ASTN1: variants seen among roughly 807,000 people sequenced by gnomAD.
ASTN1 encodes the protein astrotactin-1.
ASTN1 carries 41 observed loss-of-function variants against 140.7 expected under a neutral mutation model. The ratio of observed to expected loss-of-function variants is 0.29; its 90% CI spans 0.23 to 0.38. The LOEUF is 0.38. ASTN1 is among the 10% of genes least tolerant of loss of function. The pLI is 1.00. For synonymous variants in ASTN1, 640 were observed against 652.2 expected, an observed-to-expected ratio of 0.98 and a Z score of 0.29; for missense variants, 1,479 against 1,678.8, an observed-to-expected ratio of 0.88 and a Z score of 2.08.
intron 14 of ASTN1, among the ~76,000 whole-genome samples, chr1:176,938,152 A>G (rs1671528003): frequency 6.6e-6 from 1 of 152,226 alleles, no homozygotes; most frequent in Non-Finnish European, 1.5e-5. Flanking sequence ...CTTTGTGACT[A>G]CCAACAGTCA....
intron 1 of ASTN1, among the ~76,000 whole-genome samples, chr1:177,160,933 A>G (rs184101800): frequency 1.3e-5 from 2 of 152,332 alleles, no homozygotes; most frequent in East Asian, 3.9e-4. Context: ...AACCATCAGT[A>G]TCTGTGAGAA....
intron 1 of ASTN1, among the ~76,000 whole-genome samples, chr1:177,096,631 C>G (rs529850523): frequency 6.6e-5 from 10 of 152,190 alleles, no homozygotes. Flanking sequence ...TGCTGTTGTT[C>G]TCTTGATAGT....
At chr1:177,088,165 GC>G (rs1679570131) in intron 1 of ASTN1, among the ~76,000 whole-genome samples, 1 of 152,186 alleles carries the variant, frequency 6.6e-6, no homozygotes, top group Non-Finnish European at 1.5e-5. Flanking sequence ...ATATCTGAAT[GC>G]CTCAGATGTG....
At chr1:176,931,857 C>T (rs947138043) in intron 16 of ASTN1, among the ~76,000 whole-genome samples, 1 of 152,210 alleles carries the variant, frequency 6.6e-6, no homozygotes, top group Non-Finnish European at 1.5e-5. Flanking sequence ...GGCAAAGAAC[C>T]TACTCATGAG....
intron 8 of ASTN1, among the ~76,000 whole-genome samples, chr1:177,012,773 C>T (rs749535211): frequency 2.0e-5 from 3 of 152,190 alleles, no homozygotes; most frequent in Non-Finnish European, 2.9e-5. Flanking sequence ...GATGTGGAGG[C>T]TTGAGTGATT....
chr1:176,896,249 T>C (rs561376209), intron 16 of ASTN1, among the ~76,000 whole-genome samples: 1 of 152,330 alleles, frequency 6.6e-6, no homozygotes, highest in Admixed American at 6.5e-5. Context: ...ACTATAAATA[T>C]GGCATATAAT....
At chr1:177,107,494 G>C (rs1270806712) in intron 1 of ASTN1, among the ~76,000 whole-genome samples, 1 of 152,146 alleles carries the variant, frequency 6.6e-6, no homozygotes, top group Non-Finnish European at 1.5e-5. Context: ...CTTGCTCTGT[G>C]CTGAGGGAGG....
At chr1:176,942,106 C>G (rs1205886178) in intron 14 of ASTN1, among the ~76,000 whole-genome samples, 1 of 152,126 alleles carries the variant, frequency 6.6e-6, no homozygotes, top group Non-Finnish European at 1.5e-5. Context: ...GTAGATATTA[C>G]TTCATAGTTT....
At position 177,017,381 on chromosome 1, in the gene ASTN1, G is replaced by A. The variant is rs565012384; in HGVS notation, c.1439-2506C>T. On this transcript the variant is annotated intron_variant, in intron 7 of 22. Transcript: ENST00000361833. ...TTCTGGAACCCACCAAGCATTCCTC[G>A]TCTGTATTCCTCCACAAAACCAGTT... Among the ~76,000 whole-genome samples, 184 of 152,140 alleles carry A rather than the reference G, an allele frequency of 1.2e-3. 2 individuals carry two copies. The highest frequency in any genetic ancestry group is 1.9e-3 in the Non-Finnish European group (132 of 68,036).
chr1:176,932,373 C>T (rs141490684), intron 16 of ASTN1, among the ~76,000 whole-genome samples: 15 of 152,256 alleles, frequency 9.9e-5, no homozygotes, highest in East Asian at 3.9e-4. Flanking sequence ...GTCTTACGCA[C>T]GTATCATTCT....
intron 1 of ASTN1, among the ~76,000 whole-genome samples, chr1:177,095,319 AG>A (rs1470339490): frequency 6.6e-6 from 1 of 152,180 alleles, no homozygotes; most frequent in African/African-American, 2.4e-5. Flanking sequence ...TTTCATAAGG[AG>A]ATTAGTATGG....
At chr1:177,049,931 C>A (rs1677452645) in intron 2 of ASTN1, among the ~76,000 whole-genome samples, 1 of 152,168 alleles carries the variant, frequency 6.6e-6, no homozygotes, top group Non-Finnish European at 1.5e-5. Context: ...TCACAGCCAG[C>A]TGAAAGCCCA....
At position 177,029,541 on chromosome 1, in the gene ASTN1, G is replaced by T. The variant is rs1676310523; in HGVS notation, c.1120+93C>A. 6.1e-6 allele frequency: 8 copies of T among 1,301,562 alleles called. No individual in the cohort carries two copies. The South Asian group carries it at 9.9e-5, about 16-fold the overall frequency. The allele number at this position is 1,301,562 out of a possible 1,614,324, so 80.6% of individuals were successfully genotyped here. On this transcript the variant is annotated intron_variant, in intron 5 of 22. Coordinates refer to ENST00000361833, the MANE Select transcript of ASTN1 (RefSeq NM_004319.3). ...TTGCAGAAACTGGTTTTGTTCCATA[G>T]AGCCCACAACCCAACCCAACACCTC... is the stretch of plus-strand genomic sequence containing the variant.
intron 16 of ASTN1, among the ~76,000 whole-genome samples, chr1:176,899,444 T>G (rs967481230): frequency 6.6e-6 from 1 of 152,194 alleles, no homozygotes; most frequent in African/African-American, 2.4e-5. Flanking sequence ...TCCTATAGGA[T>G]TCTGAGGCTG....
intron 16 of ASTN1, among the ~76,000 whole-genome samples, chr1:176,927,640 A>C (rs1395553824): frequency 6.6e-6 from 1 of 152,170 alleles, no homozygotes; most frequent in Non-Finnish European, 1.5e-5. Flanking sequence ...CCTTTAACAA[A>C]ATGTGGATGT....
chr1:177,064,080 G>T (rs1678229959), intron 1 of ASTN1, among the ~76,000 whole-genome samples: 1 of 152,092 alleles, frequency 6.6e-6, no homozygotes, highest in African/African-American at 2.4e-5. Flanking sequence ...GCAAGGCAAG[G>T]TTCTTAGACC....
chr1:176,870,305 T>G (rs1393537350), intron 21 of ASTN1, among the ~76,000 whole-genome samples: 1 of 152,228 alleles, frequency 6.6e-6, no homozygotes, highest in Non-Finnish European at 1.5e-5. Context: ...AGTGTGACCA[T>G]CTGTTAGCTC....
rs527871752 is a variant in ASTN1 at position 176,994,366 on chromosome 1, A to G, written c.1523+20425T>C. On this transcript the variant is annotated intron_variant, in intron 8 of 22. Transcript: ENST00000361833. ...CCCTCACTCTTGCTGACTTGGAATT[A>G]TACTTTTTTTTTTGAGCTGTTTCCC... Among the ~76,000 whole-genome samples the G allele has an allele frequency of 5.9e-5, 9 of 151,922 alleles. No homozygotes were observed. The South Asian group carries it at 1.7e-3, about 28-fold the overall frequency.
chr1:176,946,143 A>T, intron 12 of ASTN1, 23 bp from the exon 13 acceptor site: 2 of 1,525,886 alleles, frequency 1.3e-6, no homozygotes, highest in South Asian at 2.6e-5. Flanking sequence ...AGAGCTCAAT[A>T]TAAGAAGTTA....
Sources: gnomAD v4.1 joint callset for allele counts (sites outside exome capture counted in the v4.1 genomes callset) on GRCh38, gnomAD v4.1.1 for gene constraint, MANE v1.5 for transcripts, NCBI Gene and HGNC (gene_info 2026-07-23, HGNC 2026-07-21) for gene names.